NAALADL2: variants seen among roughly 807,000 people sequenced by gnomAD.
NAALADL2 encodes inactive N-acetylated-alpha-linked acidic dipeptidase-like protein 2.
In NAALADL2, 76 loss-of-function variants were observed where a neutral mutation model predicts 87.2. The ratio of observed to expected loss-of-function variants is 0.87; its 90% CI spans 0.72 to 1.05. The LOEUF is 1.05. NAALADL2 is among the 50% of genes least tolerant of loss of function. NAALADL2 has a pLI of 0.00. For missense variants in NAALADL2, 1,089 were observed against 945.8 expected (o/e 1.15, Z -1.99); for synonymous variants, 354 against 331.0 (o/e 1.07, Z -0.75).
At chr3:175,314,700 A>ATAGTTCTAAC (rs1553857617) in intron 4 of NAALADL2, among the ~76,000 whole-genome samples, 7 of 84,952 alleles carry the variant, frequency 8.2e-5, no homozygotes, top group African/African-American at 2.5e-4. Context: ...ATATATATAT[A>ATAGTTCTAAC]TATATATATA....
At position 175,250,610 on chromosome 3, in the gene NAALADL2, G is replaced by A. The variant is rs568438583; in HGVS notation, c.820-5801G>A. Among the ~76,000 whole-genome samples, 4 of 152,200 alleles carry A rather than the reference G, an allele frequency of 2.6e-5. No homozygotes were observed. In the South Asian group the frequency reaches 8.3e-4, roughly 32 times the overall value. On this transcript the variant is annotated intron_variant, in intron 3 of 13. Transcript: ENST00000454872. ...TGTCTTTCTCTAGTGGCCACCAAAT[G>A]CCCATTGTTCCTTCCAATGAAAAGA...
At chr3:175,637,433 G>A (rs890324942) in intron 11 of NAALADL2, among the ~76,000 whole-genome samples, 1 of 152,182 alleles carries the variant, frequency 6.6e-6, no homozygotes, top group African/African-American at 2.4e-5. Flanking sequence ...ACCTCATGTT[G>A]AAATTGATGC....
At chr3:175,276,079 G>A (rs114314861) in intron 4 of NAALADL2, among the ~76,000 whole-genome samples, 2,203 of 150,272 alleles carry the variant, frequency 0.015, 47 homozygotes, top group African/African-American at 0.048. Flanking sequence ...ATACCCTAAT[G>A]AAAATATTAA....
chr3:175,654,483 T>C (rs1323671613), intron 11 of NAALADL2, among the ~76,000 whole-genome samples: 1 of 152,230 alleles, frequency 6.6e-6, no homozygotes, highest in Non-Finnish European at 1.5e-5. Context: ...AAACTTCTTT[T>C]TGCTTTAAGT....
At chr3:175,463,642 A>G (rs1723494650) in intron 7 of NAALADL2, 149 bp downstream of exon 7, 2 of 411,122 alleles carry the variant, frequency 4.9e-6, no homozygotes, top group Non-Finnish European at 8.5e-6. Flanking sequence ...TTTGAAACTA[A>G]GAAGTGGGTC....
intron 1 of NAALADL2, among the ~76,000 whole-genome samples, chr3:174,927,496 A>T (rs1736243348): frequency 6.6e-6 from 1 of 152,230 alleles, no homozygotes; most frequent in South Asian, 2.1e-4. Flanking sequence ...TACAGAAATT[A>T]TAACAAACTG....
At chr3:175,374,871 CGCAA>C (rs950940344) in intron 5 of NAALADL2, among the ~76,000 whole-genome samples, 6 of 143,000 alleles carry the variant, frequency 4.2e-5, no homozygotes, top group African/African-American at 1.3e-4. Context: ...GAGACCCTGT[CGCAA>C]ATAAATAAAT....
At chr3:174,516,237 T>A (rs1719927069) in intron 1 of NAALADL2, among the ~76,000 whole-genome samples, 1 of 152,078 alleles carries the variant, frequency 6.6e-6, no homozygotes, top group South Asian at 2.1e-4. Flanking sequence ...GAGAGCAATT[T>A]CATTTGTTAA....
At chr3:175,673,846 A>T (rs1734341710) in intron 11 of NAALADL2, among the ~76,000 whole-genome samples, 2 of 152,080 alleles carry the variant, frequency 1.3e-5, no homozygotes, top group South Asian at 2.1e-4. Flanking sequence ...TGTGAATAAG[A>T]TTTTAATAAT....
At chr3:175,764,028 A>T (rs559204157) in intron 13 of NAALADL2, among the ~76,000 whole-genome samples, 1 of 152,230 alleles carries the variant, frequency 6.6e-6, no homozygotes, top group East Asian at 1.9e-4. Flanking sequence ...TGCTAGATAG[A>T]AATAGGACTC....
At chr3:175,132,161 C>G (rs1219203539) in intron 2 of NAALADL2, among the ~76,000 whole-genome samples, 1 of 118,340 alleles carries the variant, frequency 8.5e-6, no homozygotes, top group Admixed American at 7.9e-5. Context: ...CCCTCCCGGA[C>G]GGGGCAGCTG....
intron 9 of NAALADL2, among the ~76,000 whole-genome samples, chr3:175,485,713 T>A (rs1021992435): frequency 6.6e-6 from 1 of 152,188 alleles, no homozygotes; most frequent in Non-Finnish European, 1.5e-5. Flanking sequence ...AGCCACTGGA[T>A]GGTGCCCATC....
intron 2 of NAALADL2, among the ~76,000 whole-genome samples, chr3:175,189,277 G>C (rs1213379470): frequency 6.6e-6 from 1 of 152,132 alleles, no homozygotes; most frequent in African/African-American, 2.4e-5. Flanking sequence ...AAGTAGGAAA[G>C]AAATATGTAA....
At chr3:175,113,689 G>T (rs1036952793) in intron 2 of NAALADL2, among the ~76,000 whole-genome samples, 2 of 151,504 alleles carry the variant, frequency 1.3e-5, no homozygotes, top group Admixed American at 6.6e-5. Flanking sequence ...ATGAAAAGAG[G>T]CTAGTTGGAC....
rs180794659 is a variant in NAALADL2 at position 175,078,582 on chromosome 3, C to G, written c.44-18208C>G. On this transcript the variant is annotated intron_variant, in intron 1 of 13. Coordinates refer to ENST00000454872, the MANE Select transcript of NAALADL2 (RefSeq NM_207015.3). ...CCATTCATTAGCAGTTACACTGTCA[C>G]TCCCCAATTTCTCCAGTTTTCCTGC... is the stretch of plus-strand genomic sequence containing the variant. Among the ~76,000 whole-genome samples the G allele has an allele frequency of 1.1e-4, 16 of 152,250 alleles. No individual in the cohort carries two copies. The East Asian group carries it at 2.5e-3, about 24-fold the overall frequency.
At chr3:174,791,519 G>C (rs537275703) in intron 3 of NAALADL2, among the ~76,000 whole-genome samples, 2 of 152,168 alleles carry the variant, frequency 1.3e-5, no homozygotes, top group Non-Finnish European at 2.9e-5. Context: ...GGAACTGTGA[G>C]AAATACATTT....
chr3:175,278,658 T>G (rs1020997370), intron 4 of NAALADL2, among the ~76,000 whole-genome samples: 2 of 152,174 alleles, frequency 1.3e-5, no homozygotes, highest in Non-Finnish European at 2.9e-5. Context: ...TTGGCATACT[T>G]ATGTGATATG....
intron 3 of NAALADL2, among the ~76,000 whole-genome samples, chr3:174,834,112 T>A (rs185944237): frequency 1.4e-5 from 2 of 148,054 alleles, no homozygotes; most frequent in Admixed American, 6.7e-5. Flanking sequence ...CTGTGACATG[T>A]TAAAAGCAGG....
intron 2 of NAALADL2, among the ~76,000 whole-genome samples, chr3:175,155,653 T>A (rs562329082): frequency 5.3e-4 from 80 of 152,262 alleles, no homozygotes; most frequent in African/African-American, 1.9e-3. Flanking sequence ...TTATTAGCCA[T>A]CCTGTTTTAA....
Sources: allele counts gnomAD v4.1 joint callset (sites outside exome capture counted in the v4.1 genomes callset), GRCh38; gene constraint gnomAD v4.1.1; transcripts MANE v1.5; gene names NCBI Gene and HGNC (gene_info 2026-07-23, HGNC 2026-07-21).